Variants in CDKAL1 observed in about 807,000 individuals in gnomAD.
CDKAL1 encodes threonylcarbamoyladenosine tRNA methylthiotransferase.
In CDKAL1, 32 loss-of-function variants were observed where a neutral mutation model predicts 68.2. The observed-to-expected ratio is 0.47, with a 90% confidence interval of 0.35 to 0.63. The LOEUF is 0.63. Among genes scored for constraint, CDKAL1 ranks in the 30% least tolerant of loss-of-function variants. The pLI, the probability that CDKAL1 is intolerant of heterozygous loss-of-function variation, is 0.00. For missense variants in CDKAL1, 606 were observed against 696.7 expected, an observed-to-expected ratio of 0.87 and a Z score of 1.47; for synonymous variants, 234 against 244.3, an observed-to-expected ratio of 0.96 and a Z score of 0.39.
intron 9 of CDKAL1, among the ~76,000 whole-genome samples, chr6:20,953,689 T>C (rs1395082150): frequency 1.3e-5 from 2 of 152,216 alleles, no homozygotes; most frequent in African/African-American, 2.4e-5. Flanking sequence ...ATTTATTCCG[T>C]GTACAGAGAA....
intron 13 of CDKAL1, among the ~76,000 whole-genome samples, chr6:21,142,325 A>T (rs1775959511): frequency 6.6e-6 from 1 of 151,962 alleles, no homozygotes; most frequent in Admixed American, 6.6e-5. Context: ...AAAAAAAAAA[A>T]AAAAAATCTG....
At chr6:20,748,979 A>G (rs558978084) in intron 6 of CDKAL1, among the ~76,000 whole-genome samples, 1 of 151,006 alleles carries the variant, frequency 6.6e-6, no homozygotes, top group Admixed American at 6.6e-5. Flanking sequence ...ATGTATGTGT[A>G]TATATATGTA....
At chr6:20,908,508 C>A (rs903258578) in intron 9 of CDKAL1, among the ~76,000 whole-genome samples, 1 of 152,114 alleles carries the variant, frequency 6.6e-6, no homozygotes, top group Non-Finnish European at 1.5e-5. Context: ...ATCACTTGAT[C>A]TAGTTTTAAA....
chr6:20,656,084 T>G (rs2127766480), intron 5 of CDKAL1, among the ~76,000 whole-genome samples: 1 of 149,898 alleles, frequency 6.7e-6, no homozygotes, highest in East Asian at 1.9e-4. Context: ...GTTTTACAGA[T>G]GAAGGTCTCT....
intron 6 of CDKAL1, among the ~76,000 whole-genome samples, chr6:20,755,820 G>T (rs113238319): frequency 7.9e-5 from 12 of 152,318 alleles, no homozygotes; most frequent in African/African-American, 2.6e-4. Context: ...TCCCAATATT[G>T]TGTGGTGAAT....
At chr6:21,043,347 T>G (rs9465950) in intron 11 of CDKAL1, among the ~76,000 whole-genome samples, 6 of 150,488 alleles carry the variant, frequency 4.0e-5, no homozygotes, top group East Asian at 2.0e-4. Context: ...GTGTGTGTGT[T>G]TGTGTGTGTG....
chr6:21,030,328 A>G (rs564945311), intron 11 of CDKAL1, among the ~76,000 whole-genome samples: 1 of 152,152 alleles, frequency 6.6e-6, no homozygotes. Context: ...GGCCACTGGT[A>G]GTGGAGGTAG....
chr6:21,058,924 G>A (rs925276153), intron 11 of CDKAL1, among the ~76,000 whole-genome samples: 9 of 152,216 alleles, frequency 5.9e-5, no homozygotes, highest in African/African-American at 2.2e-4. Context: ...GAAGCACTCT[G>A]GCTGCCCCTT....
At chr6:20,623,947 T>C (rs947448090) in intron 4 of CDKAL1, among the ~76,000 whole-genome samples, 6 of 152,130 alleles carry the variant, frequency 3.9e-5, no homozygotes, top group Admixed American at 3.3e-4. Context: ...CATGTAAATC[T>C]CTTTGATCCT....
intron 9 of CDKAL1, among the ~76,000 whole-genome samples, chr6:20,884,821 T>G (rs1015761918): frequency 2.0e-5 from 3 of 152,036 alleles, no homozygotes; most frequent in African/African-American, 4.8e-5. Context: ...GGTGAAAAAT[T>G]TGTACACTAA....
chr6:20,974,074 T>G, intron 10 of CDKAL1, among the ~76,000 whole-genome samples: 1 of 152,228 alleles, frequency 6.6e-6, no homozygotes, highest in East Asian at 1.9e-4. Context: ...AGTTTACTTC[T>G]CTCTTTCACA....
At chr6:21,224,704 G>A (rs989200759) in intron 15 of CDKAL1, among the ~76,000 whole-genome samples, 1 of 152,118 alleles carries the variant, frequency 6.6e-6, no homozygotes, top group Non-Finnish European at 1.5e-5. Flanking sequence ...TAGAACTTCT[G>A]ACCTCCAGAA....
At chr6:20,656,701 A>G (rs778274284) in intron 5 of CDKAL1, among the ~76,000 whole-genome samples, 1 of 152,168 alleles carries the variant, frequency 6.6e-6, no homozygotes, top group African/African-American at 2.4e-5. Flanking sequence ...ACTTGTGTCA[A>G]TGGGTTTTGT....
At chr6:21,129,982 A>C (rs1375273749) in intron 13 of CDKAL1, among the ~76,000 whole-genome samples, 2 of 152,112 alleles carry the variant, frequency 1.3e-5, no homozygotes, top group East Asian at 3.8e-4. Flanking sequence ...TTAATAATAA[A>C]ATGAAACCTT....
At chr6:20,897,159 G>C (rs1462012132) in intron 9 of CDKAL1, among the ~76,000 whole-genome samples, 1 of 152,068 alleles carries the variant, frequency 6.6e-6, no homozygotes, top group African/African-American at 2.4e-5. Context: ...GCTTTCTTGG[G>C]CTTCTTTTAT....
intron 10 of CDKAL1, among the ~76,000 whole-genome samples, chr6:20,964,975 C>T (rs1765232012): frequency 6.6e-6 from 1 of 152,028 alleles, no homozygotes; most frequent in Non-Finnish European, 1.5e-5. Flanking sequence ...CCATGGTTGT[C>T]AAGATGATGA....
chr6:21,120,597 T>C (rs568386365), intron 13 of CDKAL1, among the ~76,000 whole-genome samples: 8 of 152,360 alleles, frequency 5.3e-5, no homozygotes, highest in South Asian at 4.1e-4. Flanking sequence ...TTTGTATATA[T>C]GCTTCTGGAG....
At chr6:21,047,082 C>T (rs1770278622) in intron 11 of CDKAL1, among the ~76,000 whole-genome samples, 1 of 149,742 alleles carries the variant, frequency 6.7e-6, no homozygotes, top group Non-Finnish European at 1.5e-5. Context: ...TCTTAGTTAA[C>T]TGATTTTTTG....
chr6:20,790,656 G>T (rs1775861746), intron 8 of CDKAL1, among the ~76,000 whole-genome samples: 1 of 152,138 alleles, frequency 6.6e-6, no homozygotes, highest in Admixed American at 6.5e-5. Context: ...TGGTTCCCAA[G>T]CTCTTGTCCC....
Sources: gnomAD v4.1 joint callset for allele counts (sites outside exome capture counted in the v4.1 genomes callset) on GRCh38, gnomAD v4.1.1 for gene constraint, MANE v1.5 for transcripts, NCBI Gene and HGNC (gene_info 2026-07-23, HGNC 2026-07-21) for gene names.